The following RSRC1 variants were observed in gnomAD, a reference collection of about 807,000 sequenced individuals.
The protein encoded by RSRC1 is serine/Arginine-related protein 53.
In RSRC1, 39 loss-of-function variants were observed where a neutral mutation model predicts 49.1. That is an observed-to-expected ratio of 0.79 (90% CI 0.61 to 1.04). The LOEUF (loss-of-function observed/expected upper bound fraction) is 1.04. Ranked by LOEUF, RSRC1 falls within the 50% of genes least tolerant of loss-of-function variation. RSRC1 has a pLI of 0.00. For synonymous variants in RSRC1, 143 were observed against 130.8 expected, an observed-to-expected ratio of 1.09 and a Z score of -0.63; for missense variants, 388 against 402.4, an observed-to-expected ratio of 0.96 and a Z score of 0.31.
intron 5 of RSRC1, 99 bp from the exon 6 acceptor site, chr3:158,354,758 C>G: frequency 1.2e-6 from 1 of 853,482 alleles, no homozygotes; most frequent in Admixed American, 3.1e-5. Context: ...TTTAAATTTC[C>G]TAATATTTGC....
chr3:158,508,100 AAATAAT>A (rs1201401262), intron 7 of RSRC1, among the ~76,000 whole-genome samples: 1 of 152,080 alleles, frequency 6.6e-6, no homozygotes, highest in Non-Finnish European at 1.5e-5. Flanking sequence ...TAAATTTTAT[AAATAAT>A]AATAATCTAG....
intron 1 of RSRC1, among the ~76,000 whole-genome samples, chr3:158,119,829 A>G (rs1715127293): frequency 8.2e-6 from 1 of 121,872 alleles, no homozygotes; most frequent in South Asian, 2.5e-4. Flanking sequence ...ATAATTTCAT[A>G]GTCTTTTTTT....
chr3:158,238,208 A>C (rs1723350244), intron 4 of RSRC1, among the ~76,000 whole-genome samples: 1 of 152,194 alleles, frequency 6.6e-6, no homozygotes, highest in Admixed American at 6.5e-5. Context: ...CTGCTCAACG[A>C]AATAAAAGAG....
chr3:158,333,174 TAG>T (rs1267148552), intron 5 of RSRC1, among the ~76,000 whole-genome samples: 10 of 152,240 alleles, frequency 6.6e-5, no homozygotes, highest in Non-Finnish European at 1.3e-4. Flanking sequence ...TTCACCATGG[TAG>T]CCAGGATGGT....
chr3:158,411,447 T>G (rs915740327), intron 6 of RSRC1, among the ~76,000 whole-genome samples: 13 of 152,264 alleles, frequency 8.5e-5, no homozygotes, highest in Admixed American at 2.6e-4. Flanking sequence ...CTCTGCCTTC[T>G]CACCAATACT....
At position 158,113,674 on chromosome 3, in the gene RSRC1, G is replaced by T. The variant is rs1015337056; in HGVS notation, c.-3+3451G>T. Among the ~76,000 whole-genome samples, 3 of 152,110 alleles carry T rather than the reference G, an allele frequency of 2.0e-5. No individual in the cohort carries two copies. In the East Asian group the frequency reaches 5.8e-4, roughly 29 times the overall value. On this transcript the variant is annotated intron_variant, in intron 1 of 9. Transcript: ENST00000611884. The stretch of plus-strand genomic sequence containing the variant: ...GAGCCACTGTGCCAGGCCATTTCTT[G>T]ACTTCTTAATAATTGCATTCTGACT...
intron 5 of RSRC1, among the ~76,000 whole-genome samples, chr3:158,342,670 A>C (rs914752661): frequency 2.0e-5 from 3 of 152,242 alleles, no homozygotes; most frequent in African/African-American, 7.2e-5. Context: ...TTCCTTCACA[A>C]GATTCTTGTT....
chr3:158,510,267 AT>A (rs1740085000), intron 7 of RSRC1, among the ~76,000 whole-genome samples: 1 of 152,142 alleles, frequency 6.6e-6, no homozygotes, highest in Admixed American at 6.5e-5. Flanking sequence ...TGACATGTTT[AT>A]TCAGGTTTTT....
Position 158,315,119 on chromosome 3 carries a change from CA to C in RSRC1, c.531+17047del, listed in dbSNP as rs1190233364. On this transcript the variant is annotated intron_variant, in intron 5 of 9. Transcript: ENST00000611884. ...GTTACTTAATGTGCATATATGAAAC[CA>C]AATGTAAACTCTTTACTGTTGTGCT... Among the ~76,000 whole-genome samples, 37 of 151,954 alleles carry C rather than the reference CA, an allele frequency of 2.4e-4. 2 individuals are homozygous for C. The highest frequency in any genetic ancestry group is 2.4e-3 in the Admixed American group (37 of 15,266).
intron 6 of RSRC1, among the ~76,000 whole-genome samples, chr3:158,443,809 A>G (rs944600955): frequency 6.6e-6 from 1 of 152,108 alleles, no homozygotes; most frequent in African/African-American, 2.4e-5. Flanking sequence ...TTTCATATGA[A>G]GTGAGAGATG....
At chr3:158,237,601 A>G (rs879886264) in intron 4 of RSRC1, among the ~76,000 whole-genome samples, 6 of 152,160 alleles carry the variant, frequency 3.9e-5, no homozygotes, top group Admixed American at 6.6e-5. Flanking sequence ...ATAGTTTTCA[A>G]TGTGCTCATT....
At chr3:158,133,575 A>G (rs373500871) in intron 3 of RSRC1, among the ~76,000 whole-genome samples, 24 of 152,350 alleles carry the variant, frequency 1.6e-4, no homozygotes, top group East Asian at 7.7e-4. Context: ...GCCTTCTTGC[A>G]ATCTTTTTAA....
At chr3:158,297,937 A>C in intron 4 of RSRC1, 102 bp from the exon 5 acceptor site, 2 of 806,934 alleles carry the variant, frequency 2.5e-6, no homozygotes, top group Non-Finnish European at 2.1e-6. Flanking sequence ...AAGTAAATAC[A>C]TATGAAAAAA....
At chr3:158,136,454 C>T (rs1199131649) in intron 3 of RSRC1, among the ~76,000 whole-genome samples, 2 of 152,130 alleles carry the variant, frequency 1.3e-5, no homozygotes, top group Non-Finnish European at 2.9e-5. Flanking sequence ...CTAGTTTGCA[C>T]TGAGCTAAAT....
At chr3:158,425,058 G>GT (rs1219276906) in intron 6 of RSRC1, among the ~76,000 whole-genome samples, 4 of 151,076 alleles carry the variant, frequency 2.6e-5, no homozygotes, top group Non-Finnish European at 5.9e-5. Context: ...TTTTTGAAGG[G>GT]TTTTTTGTGT....
chr3:158,541,734 A>G (rs1241443592), intron 8 of RSRC1, among the ~76,000 whole-genome samples: 1 of 152,032 alleles, frequency 6.6e-6, no homozygotes, highest in East Asian at 1.9e-4. Flanking sequence ...ACAATCTCCT[A>G]TTCATCTTGT....
intron 1 of RSRC1, among the ~76,000 whole-genome samples, chr3:158,118,413 C>CCGTGTG (rs1274379257): frequency 4.4e-5 from 4 of 90,070 alleles, no homozygotes; most frequent in African/African-American, 1.9e-4. Context: ...ACCTGGCCTT[C>CCGTGTG]TGTGTGTGTG....
intron 3 of RSRC1, among the ~76,000 whole-genome samples, chr3:158,170,363 A>C (rs1272013003): frequency 1.0e-5 from 1 of 99,540 alleles, no homozygotes; most frequent in Non-Finnish European, 2.2e-5. Context: ...TACCATTTTT[A>C]TTGTATAGTA....
chr3:158,171,941 G>C (rs945993494), intron 3 of RSRC1, among the ~76,000 whole-genome samples: 2 of 150,982 alleles, frequency 1.3e-5, no homozygotes, highest in Non-Finnish European at 2.9e-5. Flanking sequence ...AACAGAGCAA[G>C]GCTGTGTCGC....
Sources: gnomAD v4.1 joint callset for allele counts (sites outside exome capture counted in the v4.1 genomes callset) on GRCh38, gnomAD v4.1.1 for gene constraint, MANE v1.5 for transcripts, NCBI Gene and HGNC (gene_info 2026-07-23, HGNC 2026-07-21) for gene names.